The following GAB2 variants were observed in gnomAD, a reference collection of about 807,000 sequenced individuals.
The protein encoded by GAB2 is GRB2 associated binding protein 2.
In GAB2, 26 loss-of-function variants were observed where a neutral mutation model predicts 65.5. That is an observed-to-expected ratio of 0.40 (90% CI 0.29 to 0.55). The LOEUF is 0.55. Among genes scored for constraint, GAB2 ranks in the 20% least tolerant of loss-of-function variants. GAB2 has a pLI of 0.53. For missense variants in GAB2, 884 were observed against 875.8 expected (o/e 1.01, Z -0.12); for synonymous variants, 321 against 329.6 (o/e 0.97, Z 0.28).
chr11:78,233,731 C>G (rs955368927), intron 3 of GAB2, among the ~76,000 whole-genome samples: 1 of 152,142 alleles, frequency 6.6e-6, no homozygotes, highest in Non-Finnish European at 1.5e-5. Flanking sequence ...CTCAGCCTCG[C>G]CAGTAGCTGG....
intron 3 of GAB2, among the ~76,000 whole-genome samples, chr11:78,230,683 T>G (rs1271115762): frequency 6.6e-6 from 1 of 152,242 alleles, no homozygotes; most frequent in African/African-American, 2.4e-5. Context: ...GGGAGACTGA[T>G]TATCACCTCA....
intron 1 of GAB2, among the ~76,000 whole-genome samples, chr11:78,346,715 A>C (rs1328325028): frequency 2.3e-5 from 1 of 44,026 alleles, no homozygotes; most frequent in Non-Finnish European, 4.6e-5. Flanking sequence ...ATATATATAT[A>C]TATATAATTT....
chr11:78,322,677 C>G (rs541018759), intron 1 of GAB2, among the ~76,000 whole-genome samples: 2 of 151,918 alleles, frequency 1.3e-5, no homozygotes, highest in East Asian at 3.9e-4. Context: ...CAAAAGATGA[C>G]ACACAATGGG....
chr11:78,321,028 C>T (rs866489117), intron 1 of GAB2, among the ~76,000 whole-genome samples: 4 of 152,140 alleles, frequency 2.6e-5, no homozygotes, highest in Non-Finnish European at 5.9e-5. Context: ...GAATGACTTA[C>T]AGGTTTCTAG....
chr11:78,225,345 G>C lies in GAB2; in HGVS notation c.1208-143C>G. The C allele has an allele frequency of 5.0e-6, 3 of 604,682 alleles. No individual in the cohort carries two copies. The South Asian group carries it at 5.8e-5, about 12-fold the overall frequency. 37.5% of individuals were successfully genotyped at this position (604,682 alleles called of 1,614,324 possible). On this transcript the variant is annotated intron_variant, in intron 4 of 9. Transcript: ENST00000361507. ...ACCCCAAATGATAAGGAATTTCTTC[G>C]AACACATCACTCCTCAGTTCAAAAA...
chr11:78,250,057 C>T (rs1865404578), intron 3 of GAB2, 100 bp downstream of exon 3: 16 of 1,233,896 alleles, frequency 1.3e-5, no homozygotes, highest in South Asian at 6.5e-5. Flanking sequence ...CTACCTGAAA[C>T]GATATAATGT....
In GAB2 at chr11:78,219,103, T is replaced by C. The variant is rs962896388; in HGVS notation, c.*169A>G. The stretch of plus-strand genomic sequence containing the variant: ...CAGAGGAGGTGCCTTGATCAGGCCC[T>C]CACCTCCCAGGGGAAGGGTTCAGGG... On this transcript the variant is annotated 3_prime_UTR_variant, in exon 10 of 10. Coordinates refer to ENST00000361507, the MANE Select transcript of GAB2 (RefSeq NM_080491.3). 9 of 638,302 alleles carry C rather than the reference T, an allele frequency of 1.4e-5. No individual in the cohort carries two copies. The highest frequency in any genetic ancestry group is 3.7e-5 in the African/African-American group (2 of 54,578). The allele number at this position is 638,302 out of a possible 1,614,324, so 39.5% of individuals were successfully genotyped here. A position where few individuals can be genotyped will look rare whatever the true frequency, so the allele number is the denominator to read the frequency against.
chr11:78,278,578 A>G (rs1451439708), intron 2 of GAB2, among the ~76,000 whole-genome samples: 1 of 150,596 alleles, frequency 6.6e-6, no homozygotes, highest in Non-Finnish European at 1.5e-5. Context: ...GGTTTTCACC[A>G]TTATTGGTCA....
intron 1 of GAB2, among the ~76,000 whole-genome samples, chr11:78,293,598 A>C (rs1236394924): frequency 6.6e-6 from 1 of 152,168 alleles, no homozygotes; most frequent in Non-Finnish European, 1.5e-5. Context: ...AGATCATGGT[A>C]ATCTAGATTA....
At chr11:78,329,825 T>C (rs1591043095) in intron 1 of GAB2, among the ~76,000 whole-genome samples, 1 of 152,220 alleles carries the variant, frequency 6.6e-6, no homozygotes, top group African/African-American at 2.4e-5. Context: ...GTATGTACGA[T>C]AGGTTGGCCC....
chr11:78,266,196 CAG>C (rs1197982795), intron 2 of GAB2, among the ~76,000 whole-genome samples: 1 of 111,492 alleles, frequency 9.0e-6, no homozygotes, highest in Non-Finnish European at 1.7e-5. Context: ...GCCTGGGTGA[CAG>C]AGCGAGACTC....
chr11:78,223,989 C>T (rs373118604), intron 5 of GAB2, among the ~76,000 whole-genome samples: 4 of 151,948 alleles, frequency 2.6e-5, no homozygotes, highest in South Asian at 2.1e-4. Context: ...GGCTGAGGCA[C>T]GAGAATCGCT....
In GAB2 at chr11:78,223,391, C is replaced by T. The variant is rs771499754; in HGVS notation, c.1567+21G>A. 4.8e-5 allele frequency: 72 copies of T among 1,499,796 alleles called. No individual in the cohort carries two copies. The Admixed American group carries it at 1.2e-3, about 25-fold the overall frequency. The allele number at this position is 1,499,796 out of a possible 1,614,324, so 92.9% of individuals were successfully genotyped here. A position where few individuals can be genotyped will look rare whatever the true frequency, so the allele number is the denominator to read the frequency against. On this transcript the variant is annotated intron_variant, in intron 6 of 9. Coordinates refer to ENST00000361507, the MANE Select transcript of GAB2 (RefSeq NM_080491.3). Reference sequence around the variant, plus strand: ...CCCTAGCCACTGTCCAGAGATGGGACAGGGGAAAGAATGGACTTACCTTTC... The same window carrying T: ...CCCTAGCCACTGTCCAGAGATGGGATAGGGGAAAGAATGGACTTACCTTTC...
At chr11:78,294,369 T>C (rs1306884654) in intron 1 of GAB2, among the ~76,000 whole-genome samples, 1 of 152,242 alleles carries the variant, frequency 6.6e-6, no homozygotes, top group East Asian at 1.9e-4. Flanking sequence ...AGTGCTGCAA[T>C]AAACATACAG....
chr11:78,246,969 A>T (rs979957680), intron 3 of GAB2, among the ~76,000 whole-genome samples: 1 of 152,166 alleles, frequency 6.6e-6, no homozygotes, highest in Admixed American at 6.5e-5. Context: ...AGACTCACAT[A>T]GTTTCATTCC....
intron 1 of GAB2, among the ~76,000 whole-genome samples, chr11:78,375,929 C>G (rs1480788157): frequency 1.3e-5 from 2 of 152,212 alleles, no homozygotes; most frequent in East Asian, 3.8e-4. Context: ...TTATACCACC[C>G]TTCTGCCAAA....
intron 3 of GAB2, among the ~76,000 whole-genome samples, chr11:78,235,201 G>A (rs1444050633): frequency 6.6e-6 from 1 of 151,942 alleles, no homozygotes; most frequent in African/African-American, 2.4e-5. Context: ...CGCCCAGGCT[G>A]GAGTGCAGTG....
At chr11:78,231,239 G>A (rs765524416) in intron 3 of GAB2, among the ~76,000 whole-genome samples, 1 of 152,172 alleles carries the variant, frequency 6.6e-6, no homozygotes, top group African/African-American at 2.4e-5. Context: ...AGTGCCAAGT[G>A]CCTTCCCTTT....
At chr11:78,392,575 C>T (rs1482781445) in intron 1 of GAB2, among the ~76,000 whole-genome samples, 1 of 151,942 alleles carries the variant, frequency 6.6e-6, no homozygotes, top group Admixed American at 6.6e-5. Flanking sequence ...GTGGAATGAT[C>T]GATAGAGTCT....
Sources: gnomAD v4.1 joint callset for allele counts (sites outside exome capture counted in the v4.1 genomes callset) on GRCh38, gnomAD v4.1.1 for gene constraint, MANE v1.5 for transcripts, NCBI Gene and HGNC (gene_info 2026-07-23, HGNC 2026-07-21) for gene names.